The following AGBL2 variants were observed in gnomAD, a reference collection of about 807,000 sequenced individuals.
AGBL2 encodes AGBL carboxypeptidase 2.
Under a neutral mutation model 103.0 loss-of-function variants are expected in AGBL2, and 87 were observed. The observed-to-expected ratio is 0.84, with a 90% CI of 0.71 to 1.01. AGBL2 has a LOEUF of 1.01. Among genes scored for constraint, AGBL2 ranks in the 50% least tolerant of loss-of-function variants. AGBL2 has a pLI of 0.00. For missense variants in AGBL2, 904 were observed against 1,023.5 expected, an observed-to-expected ratio of 0.88 and a Z score of 1.59; for synonymous variants, 335 against 356.7, an observed-to-expected ratio of 0.94 and a Z score of 0.69.
intron 12 of AGBL2, among the ~76,000 whole-genome samples, 162 bp downstream of exon 12, chr11:47,681,807 A>C (rs1000183748): frequency 2.0e-4 from 31 of 152,136 alleles, no homozygotes; most frequent in African/African-American, 7.5e-4. Flanking sequence ...CATCAAATAT[A>C]TTTCACATTC....
At chr11:47,673,762 C>T (rs1340949006) in intron 14 of AGBL2, among the ~76,000 whole-genome samples, 1 of 141,186 alleles carries the variant, frequency 7.1e-6, no homozygotes, top group Admixed American at 7.6e-5. Flanking sequence ...CCATTGGACT[C>T]CAGCCTGGGT....
At position 47,686,062 on chromosome 11, in the gene AGBL2, CA is replaced by C. The variant is rs756939430; in HGVS notation, c.1632-14del. 21 of 1,612,654 alleles carry C rather than the reference CA, an allele frequency of 1.3e-5. No individual in the cohort carries two copies. Among genetic ancestry groups the C allele is most frequent in the Non-Finnish European group, 1.7e-5 (20 of 1,179,564 alleles). ...TTCTTCAAGAAGTCTATTGAGGGGG[CA>C]AACAAAGGACTCAGTGGACACCCAA... On this transcript the variant is annotated splice_polypyrimidine_tract_variant and intron_variant, in intron 10 of 18. Coordinates refer to ENST00000525123, the MANE Select transcript of AGBL2 (RefSeq NM_024783.4).
At chr11:47,664,806 C>G (rs920189699) in intron 17 of AGBL2, among the ~76,000 whole-genome samples, 2 of 151,784 alleles carry the variant, frequency 1.3e-5, no homozygotes, top group African/African-American at 4.8e-5. Context: ...GATCCTCCCA[C>G]CTTTGCCTCC....
At chr11:47,695,599 C>G (rs777177527) in intron 8 of AGBL2, among the ~76,000 whole-genome samples, 1 of 149,078 alleles carries the variant, frequency 6.7e-6, no homozygotes, top group Non-Finnish European at 1.5e-5. Context: ...GCGGTGAAAC[C>G]CTGTCTCCAC....
At chr11:47,692,663 C>T (rs1030136152) in intron 8 of AGBL2, among the ~76,000 whole-genome samples, 1 of 151,956 alleles carries the variant, frequency 6.6e-6, no homozygotes, top group African/African-American at 2.4e-5. Context: ...CTGCCCGTCT[C>T]AGCCTCCCAA....
chr11:47,667,561 T>A lies in AGBL2; in HGVS notation c.2340+10A>T, dbSNP rs1369892501. On this transcript the variant is annotated intron_variant, in intron 16 of 18. Coordinates refer to ENST00000525123, the MANE Select transcript of AGBL2 (RefSeq NM_024783.4). ...CTAGACAGTAGAAATAGCCAGCAAGTCTTTCTTACTGAGGTATCTTCTGTT... is the reference window on the plus strand; with the variant it reads ...CTAGACAGTAGAAATAGCCAGCAAGACTTTCTTACTGAGGTATCTTCTGTT... The A allele has an allele frequency of 1.9e-6, 3 of 1,612,688 alleles. No individual in the cohort carries two copies. Among genetic ancestry groups the A allele is most frequent in the Non-Finnish European group, 2.5e-6 (3 of 1,179,702 alleles).
At chr11:47,678,356 C>A (rs535265764) in intron 13 of AGBL2, among the ~76,000 whole-genome samples, 1 of 92,138 alleles carries the variant, frequency 1.1e-5, no homozygotes, top group Non-Finnish European at 2.7e-5. Context: ...TTTTTTGAGA[C>A]GGAGTCTTGC....
intron 7 of AGBL2, among the ~76,000 whole-genome samples, chr11:47,703,337 A>G (rs1210832466): frequency 6.6e-6 from 1 of 152,210 alleles, no homozygotes; most frequent in African/African-American, 2.4e-5. Context: ...AGGTTAATCT[A>G]GAAAACAGAT....
At chr11:47,680,123 T>C in intron 12 of AGBL2, 50 bp from the exon 13 acceptor site, 4 of 1,157,118 alleles carry the variant, frequency 3.5e-6, no homozygotes, top group Non-Finnish European at 3.8e-6. Context: ...TCTTAGTGAC[T>C]GAATGTAAAT....
chr11:47,688,099 C>T (rs534662134), intron 10 of AGBL2, among the ~76,000 whole-genome samples: 10 of 152,056 alleles, frequency 6.6e-5, no homozygotes, highest in East Asian at 1.9e-4. Flanking sequence ...TGAGCCACCA[C>T]GCCTGGCCAG....
In AGBL2 at chr11:47,667,642, T is replaced by A. The variant is rs1207581422; in HGVS notation, c.2269A>T (p.Arg757Trp). The A allele has an allele frequency of 6.2e-7, 1 of 1,613,642 alleles. No homozygotes were observed. ...KKKKKKSLQT[R>W]KQRNEQYQKK... ...TGATACTGCTCATTTCGCTGTTTCC[T>A]AGTCTGAAGTGACTTCTTTTTTTTC... Residue 757 changes from arginine (R) to tryptophan (W), a missense_variant, in exon 16 of 19, where the codon AGG (arginine) becomes TGG (tryptophan). By Grantham distance (101) the Arg-to-Trp change is moderately radical. Coordinates refer to ENST00000525123, the MANE Select transcript of AGBL2 (RefSeq NM_024783.4).
intron 8 of AGBL2, among the ~76,000 whole-genome samples, chr11:47,695,016 G>A (rs1314625780): frequency 6.6e-6 from 1 of 152,100 alleles, no homozygotes; most frequent in Non-Finnish European, 1.5e-5. Context: ...CAGGTGTGAT[G>A]GCGGGTGCCT....
chr11:47,699,385 A>C, intron 8 of AGBL2, 61 bp downstream of exon 8: 1 of 942,828 alleles, frequency 1.1e-6, no homozygotes, highest in Non-Finnish European at 1.6e-6. Flanking sequence ...TTATTATGGA[A>C]CATATGTTTA....
In AGBL2 at chr11:47,701,469, C is replaced by CA. The variant is rs11327584; in HGVS notation, c.587-1917dup. ...TGGGCGACAGAGCAAGACTCCGTCT[C>CA]AAAAAAAAAAAAAAAAAAGATCTTG... On this transcript the variant is annotated intron_variant, in intron 7 of 18. Coordinates refer to ENST00000525123, the MANE Select transcript of AGBL2 (RefSeq NM_024783.4). Among the ~76,000 whole-genome samples, 429 of 94,330 alleles carry CA rather than the reference C, an allele frequency of 4.5e-3. 1 individual carries two copies. Among genetic ancestry groups the CA allele is most frequent in the African/African-American group, 0.014 (283 of 20,062 alleles). The allele number at this position is 94,330 out of a possible 152,430, so 61.9% of individuals were successfully genotyped here.
intron 13 of AGBL2, among the ~76,000 whole-genome samples, chr11:47,679,737 G>A (rs1267044168): frequency 6.6e-6 from 1 of 151,590 alleles, no homozygotes; most frequent in African/African-American, 2.4e-5. Context: ...CGCCTCCTAG[G>A]TTCAAGTGAT....
rs767989493 is a variant in AGBL2, at chr11:47,690,221, T to C, written c.1486A>G (p.Lys496Glu). 1 of 1,614,148 alleles carries C rather than the reference T, an allele frequency of 6.2e-7. No homozygotes were observed. Among genetic ancestry groups the C allele is most frequent in the Non-Finnish European group, 8.5e-7 (1 of 1,180,022 alleles). The change falls in exon 10 of 19, where the codon AAG becomes GAG. Residue 496 changes from lysine to glutamate, a missense_variant. Physicochemically the swap from Lys to Glu is moderately conservative, Grantham distance 56 (BLOSUM62 1). Transcript: ENST00000525123. ...TCTGGATTTAACATGGGAAGCACCT[T>C]GAAGACAAAAATATCTCTGAGGAGC... ...AQLLRDIFVF[K>E]VLPMLNPDGV...
At chr11:47,684,469 T>C (rs2097415662) in intron 11 of AGBL2, among the ~76,000 whole-genome samples, 1 of 151,348 alleles carries the variant, frequency 6.6e-6, no homozygotes, top group Admixed American at 6.6e-5. Flanking sequence ...AGGCAGAGAA[T>C]TGCTTGAACC....
At chr11:47,673,664 G>A (rs373561893) in intron 14 of AGBL2, among the ~76,000 whole-genome samples, 4 of 150,286 alleles carry the variant, frequency 2.7e-5, no homozygotes, top group Admixed American at 6.6e-5. Flanking sequence ...GGTGGTGGGC[G>A]CCTGTAATAA....
At chr11:47,686,578 G>T (rs1284479389) in intron 10 of AGBL2, among the ~76,000 whole-genome samples, 1 of 151,718 alleles carries the variant, frequency 6.6e-6, no homozygotes, top group Non-Finnish European at 1.5e-5. Context: ...TTGGATAGTG[G>T]GGGTGGATCC....
Sources: gnomAD v4.1 joint callset for allele counts (sites outside exome capture counted in the v4.1 genomes callset) on GRCh38, gnomAD v4.1.1 for gene constraint, MANE v1.5 for transcripts, NCBI Gene and HGNC (gene_info 2026-07-23, HGNC 2026-07-21) for gene names.